Variants in LRRC9 observed in about 807,000 individuals in gnomAD.
LRRC9 encodes the protein leucine rich repeat containing 9.
In LRRC9, 122 loss-of-function variants were observed where a neutral mutation model predicts 63.2. That is an observed-to-expected ratio of 1.93 (90% confidence interval 1.67 to 2.24). The LOEUF (loss-of-function observed/expected upper bound fraction) is 2.24, where lower values mean the gene tolerates loss of function less well. Among genes scored for constraint, LRRC9 ranks in the 30% most tolerant of loss-of-function variants. The probability of loss-of-function intolerance (pLI) is 0.00; values close to 1 mark genes in which losing one functional copy is unlikely to be tolerated. For missense variants in LRRC9, 1,071 were observed against 627.7 expected, an observed-to-expected ratio of 1.71 and a Z score of -7.55; for synonymous variants, 366 against 213.1, an observed-to-expected ratio of 1.72 and a Z score of -6.25.
Position 59,962,316 on chromosome 14 carries a change from T to C in LRRC9, c.1211+1271T>C, listed in dbSNP as rs914053266. Among the ~76,000 whole-genome samples, 10 of 152,196 alleles carry C rather than the reference T, an allele frequency of 6.6e-5. No individual in the cohort carries two copies. The highest frequency in any genetic ancestry group is 2.2e-4 in the African/African-American group (9 of 41,466). ...ATAAAAGGTGTTCATCCAGCTCCCA[T>C]GTAAACAAGTAAAGGCCTTGATTTT... On this transcript the variant is annotated intron_variant, in intron 10 of 31. Transcript: ENST00000445360. The surrounding 1 kb of genome is among the most constrained non-coding windows in gnomAD (Gnocchi z 5.1).
At chr14:59,996,659 A>C (rs1406750117) in intron 17 of LRRC9, among the ~76,000 whole-genome samples, 1 of 152,250 alleles carries the variant, frequency 6.6e-6, no homozygotes, top group African/African-American at 2.4e-5. Flanking sequence ...AATAATGTAA[A>C]TTAAAATAAG....
chr14:59,972,554 T>TATATATATATACA (rs1269923473), intron 12 of LRRC9, among the ~76,000 whole-genome samples: 7 of 152,110 alleles, frequency 4.6e-5, no homozygotes, highest in Non-Finnish European at 8.8e-5. Context: ...TTCTAGTTTG[T>TATATATATATACA]CTGATTCCCC....
At chr14:59,999,023 A>G in intron 18 of LRRC9, 78 bp from the exon 19 acceptor site, 2 of 539,504 alleles carry the variant, frequency 3.7e-6, no homozygotes, top group Non-Finnish European at 6.6e-6. Context: ...AATTATATGG[A>G]AAGACATGAA....
intron 26 of LRRC9, among the ~76,000 whole-genome samples, chr14:60,020,980 T>G (rs1383764359): frequency 6.6e-6 from 1 of 151,974 alleles, no homozygotes; most frequent in Non-Finnish European, 1.5e-5. Flanking sequence ...CACTCATATT[T>G]TCATTATGTT....
Position 60,027,836 on chromosome 14 carries a change from T to A in LRRC9, c.3704-48T>A. 1.6e-6 allele frequency: 1 copy of A among 608,916 alleles called. No homozygotes were observed. The highest frequency in any genetic ancestry group is 2.0e-5 in the South Asian group (1 of 51,122). The allele number at this position is 608,916 out of a possible 1,614,324, so 37.7% of individuals were successfully genotyped here. On this transcript the variant is annotated intron_variant, in intron 27 of 31. Coordinates refer to ENST00000445360, the Ensembl canonical transcript of LRRC9. This position sits in a 1 kb window ranked among gnomAD's most constrained non-coding sequence, Gnocchi z 4.0. ...TAAATGTAAGTAGATATCCTTTACT[T>A]CAGGAAGTTTGGGCTCACTTGATAT...
At chr14:59,974,585 A>C in exon 13 of LRRC9, 1 of 645,444 alleles carries the variant, frequency 1.5e-6, no homozygotes, top group Non-Finnish European at 2.8e-6. Context: ...GCTGCCTCTC[A>C]AAAAAGAAGC....
At chr14:59,977,109 A>G (rs765272261) in intron 13 of LRRC9, 116 bp from the exon 14 acceptor site, 55 of 574,246 alleles carry the variant, frequency 9.6e-5, no homozygotes, top group Non-Finnish European at 1.5e-4. Context: ...CAAGAGAGCC[A>G]GCATCTCTGC....
intron 12 of LRRC9, among the ~76,000 whole-genome samples, chr14:59,971,960 T>A (rs1885556244): frequency 6.6e-6 from 1 of 152,180 alleles, no homozygotes. Context: ...ACTGTGTCCA[T>A]GATGAGAAAC....
In LRRC9 at chr14:59,936,093, T is replaced by C. The variant is rs557692516; in HGVS notation, c.544-2297T>C. 1.8e-4 allele frequency among the ~76,000 whole-genome samples: 28 copies of C among 152,272 alleles called. 1 individual carries two copies. In the South Asian group the frequency reaches 5.2e-3, roughly 28 times the overall value. ...GTTTTGGTGAAATAACAATGTAAAGTACCTAAATAGTGACCAGCACATAGT... is the reference window on the plus strand; with the variant it reads ...GTTTTGGTGAAATAACAATGTAAAGCACCTAAATAGTGACCAGCACATAGT... On this transcript the variant is annotated intron_variant, in intron 6 of 31. Coordinates refer to ENST00000445360, the Ensembl canonical transcript of LRRC9. This position sits in a 1 kb window ranked among gnomAD's most constrained non-coding sequence, Gnocchi z 4.2.
chr14:59,994,253 G>T (rs1050115816), intron 17 of LRRC9, among the ~76,000 whole-genome samples: 7 of 152,078 alleles, frequency 4.6e-5, no homozygotes, highest in African/African-American at 1.7e-4. Flanking sequence ...AAAAGACACA[G>T]GAAAAAATGC....
Position 60,058,897 on chromosome 14 carries a change from A to G in LRRC9, c.4276+875A>G, listed in dbSNP as rs76836837. Reference sequence around the variant, plus strand: ...AAGATGTTATATTTTCTCATTTTTCATACTTATATGGCATTATGACTTCCA... The same window carrying G: ...AAGATGTTATATTTTCTCATTTTTCGTACTTATATGGCATTATGACTTCCA... On this transcript the variant is annotated intron_variant, in intron 31 of 31. Coordinates refer to ENST00000445360, the Ensembl canonical transcript of LRRC9. The surrounding 1 kb of genome is among the most constrained non-coding windows in gnomAD (Gnocchi z 4.4). 0.022 allele frequency among the ~76,000 whole-genome samples: 3,358 copies of G among 152,316 alleles called. 60 individuals carry two copies. Among genetic ancestry groups the G allele is most frequent in the South Asian group, 0.05 (241 of 4,828 alleles).
At chr14:59,959,092 A>G (rs1345238117) in intron 8 of LRRC9, among the ~76,000 whole-genome samples, 1 of 152,192 alleles carries the variant, frequency 6.6e-6, no homozygotes. Flanking sequence ...TTATCTTTAA[A>G]TTACATAAGG....
At chr14:60,059,817 A>G (rs898892271) in intron 31 of LRRC9, among the ~76,000 whole-genome samples, 1 of 152,212 alleles carries the variant, frequency 6.6e-6, no homozygotes, top group Non-Finnish European at 1.5e-5. Context: ...GTGAAGCAGC[A>G]AGTGCTGATG....
chr14:59,953,152 C>G (rs750663332), intron 8 of LRRC9, among the ~76,000 whole-genome samples: 4 of 152,174 alleles, frequency 2.6e-5, no homozygotes, highest in Non-Finnish European at 4.4e-5. Flanking sequence ...AGAATGATTT[C>G]TAATCCTTTG....
At chr14:60,015,734 T>G (rs1890624746) in intron 23 of LRRC9, among the ~76,000 whole-genome samples, 1 of 152,164 alleles carries the variant, frequency 6.6e-6, no homozygotes, top group Non-Finnish European at 1.5e-5. Flanking sequence ...AAACTCCCCA[T>G]GTTATCTACA....
rs991734060 is a variant in LRRC9 at position 59,966,055 on chromosome 14, G to A, written c.1212-534G>A. 8.5e-5 allele frequency among the ~76,000 whole-genome samples: 13 copies of A among 152,146 alleles called. 1 individual carries two copies. The highest frequency in any genetic ancestry group is 3.1e-4 in the African/African-American group (13 of 41,502). ...TGGGGTGCAGTGTTAGTTATGTTAG[G>A]TTGGAGTCACCTGTTTAACATGCAG... On this transcript the variant is annotated intron_variant, in intron 10 of 31. Transcript: ENST00000445360. This position sits in a 1 kb window ranked among gnomAD's most constrained non-coding sequence, Gnocchi z 4.0.
In LRRC9 at chr14:59,999,116, CTGAG is replaced by C. The variant is rs1411352962; in HGVS notation, c.2422_2425del (p.Ser808LeufsTer5). 2 of 688,478 alleles carry C rather than the reference CTGAG, an allele frequency of 2.9e-6. No individual in the cohort carries two copies. Among genetic ancestry groups the C allele is most frequent in the Non-Finnish European group, 5.3e-6 (2 of 378,004 alleles). 42.6% of individuals were successfully genotyped at this position (688,478 alleles called of 1,614,324 possible). Reference sequence around the variant, plus strand: ...TTTTCCCAAGCCAGCCACATTGAGGCTGAGTGTTATTGGCAGATTAAAGACTCTT... The same window carrying C: ...TTTTCCCAAGCCAGCCACATTGAGGCTGTTATTGGCAGATTAAAGACTCTT... On this transcript the variant is annotated frameshift_variant, in exon 19 of 32. Transcript: ENST00000445360. LOFTEE classifies it high-confidence loss of function.
chr14:59,977,088 A>G (rs150231756), intron 13 of LRRC9, 137 bp from the exon 14 acceptor site: 15,552 of 568,274 alleles, frequency 0.027, 320 homozygotes, highest in South Asian at 0.052. Context: ...TATGCGCTGT[A>G]CAGTAGCAAA....
chr14:59,983,352 C>A (rs572635106), intron 16 of LRRC9, among the ~76,000 whole-genome samples: 1 of 152,180 alleles, frequency 6.6e-6, no homozygotes, highest in Non-Finnish European at 1.5e-5. Flanking sequence ...AATCTTCTGG[C>A]TGACAGTACT....
Sources: allele counts gnomAD v4.1 joint callset (sites outside exome capture counted in the v4.1 genomes callset), GRCh38; gene constraint gnomAD v4.1.1; non-coding constraint Gnocchi (gnomAD v3.1); transcripts MANE v1.5; gene names NCBI Gene and HGNC (gene_info 2026-07-23, HGNC 2026-07-21).